The following MCC variants were observed in gnomAD, a reference collection of about 807,000 sequenced individuals.
The protein encoded by MCC is MCC regulator of Wnt signaling pathway.
Under a neutral mutation model 116.2 loss-of-function variants are expected in MCC, and 90 were observed. That is an observed-to-expected ratio of 0.77 (90% CI 0.65 to 0.92). MCC has a LOEUF of 0.92. Among genes scored for constraint, MCC ranks in the 40% least tolerant of loss-of-function variants. MCC has a pLI of 0.00. For synonymous variants in MCC, 578 were observed against 510.5 expected, an observed-to-expected ratio of 1.13 and a Z score of -1.78; for missense variants, 1,516 against 1,312.2, an observed-to-expected ratio of 1.16 and a Z score of -2.40.
intron 3 of MCC, 22 bp from the exon 4 acceptor site, chr5:113,151,444 G>C: frequency 7.7e-7 from 1 of 1,293,582 alleles, no homozygotes; most frequent in Non-Finnish European, 1.1e-6. Context: ...GAAAGGAGGA[G>C]ATTAGAGTAT....
intron 16 of MCC, 144 bp downstream of exon 16, chr5:113,048,949 T>G (rs1752298503): frequency 2.7e-6 from 2 of 733,020 alleles, no homozygotes; most frequent in Admixed American, 4.8e-5. Flanking sequence ...AATGTCACCT[T>G]CTTAGATACC....
intron 1 of MCC, among the ~76,000 whole-genome samples, chr5:113,404,586 C>T (rs1411998175): frequency 6.6e-6 from 1 of 152,136 alleles, no homozygotes; most frequent in Admixed American, 6.5e-5. Context: ...TTTGGTTCAG[C>T]GATTCCATTT....
intron 8 of MCC, among the ~76,000 whole-genome samples, chr5:113,094,674 C>A (rs1483881788): frequency 6.6e-6 from 1 of 152,184 alleles, no homozygotes; most frequent in Non-Finnish European, 1.5e-5. Flanking sequence ...CCCGCCTCAG[C>A]CTCCCAAAGT....
chr5:113,157,866 A>G (rs981626129), intron 3 of MCC, among the ~76,000 whole-genome samples: 5 of 152,252 alleles, frequency 3.3e-5, no homozygotes, highest in African/African-American at 1.2e-4. Context: ...AATAATTAAT[A>G]GAACAGACCA....
chr5:113,440,527 A>ATAGG (rs1422524006), intron 1 of MCC, among the ~76,000 whole-genome samples: 1 of 152,110 alleles, frequency 6.6e-6, no homozygotes, highest in African/African-American at 2.4e-5. Flanking sequence ...ACAATGCTCT[A>ATAGG]TAGGTACTCA....
chr5:113,257,691 C>T (rs1327406011), intron 3 of MCC, among the ~76,000 whole-genome samples: 1 of 152,018 alleles, frequency 6.6e-6, no homozygotes, highest in Non-Finnish European at 1.5e-5. Context: ...CGCGAGTGCA[C>T]AAATGGATAT....
intron 15 of MCC, 84 bp from the exon 16 acceptor site, chr5:113,049,383 TC>T: frequency 2.5e-6 from 3 of 1,188,148 alleles, no homozygotes; most frequent in Non-Finnish European, 3.5e-6. Flanking sequence ...GGGTGGGGGG[TC>T]CCCGGCTATG....
Position 113,250,863 on chromosome 5 carries a change from G to T in MCC, c.627+89656C>A, listed in dbSNP as rs573623922. 2.9e-4 allele frequency among the ~76,000 whole-genome samples: 44 copies of T among 152,178 alleles called. 1 individual carries two copies. The highest frequency in any genetic ancestry group is 6.8e-3 in the Middle Eastern group (2 of 294). On this transcript the variant is annotated intron_variant, in intron 3 of 18. Coordinates refer to ENST00000408903, the MANE Select transcript of MCC (RefSeq NM_001085377.2). ...CAGTCCAAGGTCGACCTACACAAAG[G>T]GAACTCCCTAGGATAGCCTTAGAAA...
At chr5:113,173,646 T>C (rs927836733) in intron 3 of MCC, among the ~76,000 whole-genome samples, 4 of 152,274 alleles carry the variant, frequency 2.6e-5, no homozygotes, top group African/African-American at 9.6e-5. Flanking sequence ...TTTATCAAAT[T>C]GTATTTTTCT....
chr5:113,104,518 G>A, intron 6 of MCC, 163 bp from the exon 7 acceptor site: 2 of 500,262 alleles, frequency 4.0e-6, no homozygotes, highest in Non-Finnish European at 6.9e-6. Context: ...CTGAGACTTG[G>A]AGCCAATGCA....
chr5:113,101,828 C>T lies in MCC; in HGVS notation c.1309G>A (p.Ala437Thr). 1 of 1,613,594 alleles carries T rather than the reference C, an allele frequency of 6.2e-7. No individual in the cohort carries two copies. Among genetic ancestry groups the T allele is most frequent in the South Asian group, 1.1e-5 (1 of 91,068 alleles). The change falls in exon 8 of 19, where the codon GCC (alanine) becomes ACC (threonine). Residue 437 changes from alanine (A) to threonine (T), a missense_variant. Transcript: ENST00000408903. ...GLREENESLT[A>T]MLCSKEEELN... ...TCTTCCTCTTTGCTGCACAGCATGG[C>T]AGTCAGGCTCTCATTCTCTTCCCTC...
intron 3 of MCC, among the ~76,000 whole-genome samples, chr5:113,242,969 T>C (rs548583003): frequency 2.0e-4 from 31 of 152,322 alleles, no homozygotes; most frequent in African/African-American, 7.5e-4. Context: ...CAAATGCAAT[T>C]CACAATGAGA....
intron 6 of MCC, among the ~76,000 whole-genome samples, chr5:113,117,037 G>C (rs1233892313): frequency 6.6e-6 from 1 of 152,230 alleles, no homozygotes; most frequent in African/African-American, 2.4e-5. Context: ...TCAGTCTGTG[G>C]ACTAGAGGAT....
chr5:113,042,823 TTAAAA>T (rs1296186163), intron 17 of MCC, among the ~76,000 whole-genome samples: 6 of 151,572 alleles, frequency 4.0e-5, no homozygotes, highest in South Asian at 4.2e-4. Flanking sequence ...TGACTATATG[TTAAAA>T]TAATGTAGAC....
rs1554083427 is a variant in MCC at position 113,434,408 on chromosome 5, A to T, written c.171-49196T>A. 1.2e-6 allele frequency: 2 copies of T among 1,613,876 alleles called. No individual in the cohort carries two copies. Among genetic ancestry groups the T allele is most frequent in the Non-Finnish European group, 1.7e-6 (2 of 1,180,008 alleles). ...ACAGCTTGATGTTGAAGTCCTTGTC[A>T]AGGAGAAGGTTGTCACACTTGAGGT... On this transcript the variant is annotated intron_variant, in intron 1 of 18. Transcript: ENST00000408903. This position sits in a 1 kb window ranked among gnomAD's most constrained non-coding sequence, Gnocchi z 4.2.
chr5:113,338,082 T>C (rs1428158716), intron 3 of MCC, among the ~76,000 whole-genome samples: 1 of 152,192 alleles, frequency 6.6e-6, no homozygotes, highest in Non-Finnish European at 1.5e-5. Flanking sequence ...TACCACAGGG[T>C]CCAAGGGCAT....
chr5:113,432,210 C>G (rs2150411296), intron 1 of MCC, among the ~76,000 whole-genome samples: 1 of 149,916 alleles, frequency 6.7e-6, no homozygotes, highest in East Asian at 2.0e-4. Flanking sequence ...CCCAGCTACT[C>G]AGGAGGCTAA....
intron 15 of MCC, among the ~76,000 whole-genome samples, chr5:113,050,376 C>T (rs10054002): frequency 0.029 from 4,407 of 152,210 alleles, 235 homozygotes; most frequent in African/African-American, 0.1. Flanking sequence ...GAGGTTAGTT[C>T]AGATTCTCAC....
At chr5:113,361,854 G>C (rs1358764377) in intron 2 of MCC, among the ~76,000 whole-genome samples, 2 of 152,184 alleles carry the variant, frequency 1.3e-5, no homozygotes, top group Non-Finnish European at 2.9e-5. Context: ...TTGGCCTTGG[G>C]ACTCTTGGAC....
Sources: gnomAD v4.1 joint callset for allele counts (sites outside exome capture counted in the v4.1 genomes callset) on GRCh38, gnomAD v4.1.1 for gene constraint, Gnocchi (gnomAD v3.1) non-coding constraint, MANE v1.5 for transcripts, NCBI Gene and HGNC (gene_info 2026-07-23, HGNC 2026-07-21) for gene names.